CYP4X1: variants seen among roughly 807,000 people sequenced by gnomAD.
CYP4X1 encodes cytochrome P450 4X1.
A neutral mutation model predicts 57.9 loss-of-function variants in CYP4X1; 44 were observed. The observed-to-expected ratio is 0.76, with a 90% confidence interval of 0.60 to 0.98. CYP4X1 has a LOEUF of 0.98. CYP4X1 is among the 50% of genes least tolerant of loss of function. CYP4X1 has a pLI of 0.00. For missense variants in CYP4X1, 532 were observed against 623.9 expected (o/e 0.85, Z 1.57); for synonymous variants, 227 against 228.6 (o/e 0.99, Z 0.06).
the CYP4X1 span, among the ~76,000 whole-genome samples, chr1:46,991,149 C>A: frequency 6.6e-6 from 1 of 152,054 alleles, no homozygotes; most frequent in Non-Finnish European, 1.5e-5. Flanking sequence ...CCAGAAGCAA[C>A]CTTCCAGACT....
At chr1:46,991,935 GT>G in the CYP4X1 span, among the ~76,000 whole-genome samples, 2 of 152,150 alleles carry the variant, frequency 1.3e-5, no homozygotes. Flanking sequence ...GCTTTACAAA[GT>G]GCCTGGTATG....
chr1:47,017,989 G>T, the CYP4X1 span, among the ~76,000 whole-genome samples: 9 of 152,082 alleles, frequency 5.9e-5, no homozygotes. Context: ...CAAATTTTGG[G>T]GGTTCACATA....
intron 6 of CYP4X1, 137 bp from the exon 7 acceptor site, chr1:47,038,523 A>G (rs1400211673): frequency 1.4e-5 from 7 of 490,420 alleles, no homozygotes; most frequent in Non-Finnish European, 1.4e-5. Flanking sequence ...GAGAAAATAA[A>G]CCATCTGTGA....
the CYP4X1 span, among the ~76,000 whole-genome samples, chr1:46,996,085 G>C: frequency 2.0e-5 from 3 of 152,198 alleles, no homozygotes; most frequent in Admixed American, 2.0e-4. Context: ...GCGGGCACTG[G>C]CTATGTTCTA....
chr1:46,979,332 A>G, the CYP4X1 span, among the ~76,000 whole-genome samples: 8 of 152,368 alleles, frequency 5.3e-5, no homozygotes, highest in South Asian at 1.4e-3. Context: ...CTACCGTCAG[A>G]GAATACTATA....
the CYP4X1 span, among the ~76,000 whole-genome samples, chr1:47,012,603 A>G: frequency 1.3e-5 from 2 of 149,598 alleles, no homozygotes; most frequent in African/African-American, 4.9e-5. Flanking sequence ...AACCAGACTG[A>G]AAAAAAAAAG....
the CYP4X1 span, among the ~76,000 whole-genome samples, chr1:46,984,868 C>G: frequency 6.6e-6 from 1 of 152,140 alleles, no homozygotes; most frequent in Non-Finnish European, 1.5e-5. Flanking sequence ...ATTGTTCACT[C>G]CCCTGGAAAG....
At chr1:46,984,812 A>G in the CYP4X1 span, among the ~76,000 whole-genome samples, 10 of 152,174 alleles carry the variant, frequency 6.6e-5, no homozygotes, top group Non-Finnish European at 2.9e-5. Flanking sequence ...TAGCTGCAGG[A>G]GTTTTTTTCA....
chr1:47,027,950 A>G (rs1644087947), intron 1 of CYP4X1, among the ~76,000 whole-genome samples: 1 of 152,156 alleles, frequency 6.6e-6, no homozygotes, highest in Non-Finnish European at 1.5e-5. Context: ...AAAATCTGTG[A>G]GAGGTAGGAT....
At chr1:46,980,010 C>G in the CYP4X1 span, among the ~76,000 whole-genome samples, 839 of 152,306 alleles carry the variant, frequency 5.5e-3, 11 homozygotes, top group African/African-American at 0.019. Flanking sequence ...GACAAACCCA[C>G]AGCCAATATC....
At chr1:47,022,916 C>A (rs1644014553), upstream of CYP4X1, among the ~76,000 whole-genome samples, 1 of 152,148 alleles carries the variant, frequency 6.6e-6, no homozygotes, top group African/African-American at 2.4e-5. Context: ...CCTAGTTCAC[C>A]ACCTGATACG....
the CYP4X1 span, among the ~76,000 whole-genome samples, chr1:46,966,005 C>T: frequency 6.6e-6 from 1 of 152,230 alleles, no homozygotes; most frequent in Admixed American, 6.5e-5. Flanking sequence ...GGCAGCTGTG[C>T]TGCTTTGTGG....
chr1:47,010,971 G>A, the CYP4X1 span, among the ~76,000 whole-genome samples: 1 of 152,166 alleles, frequency 6.6e-6, no homozygotes. Context: ...TCGTGAAAAT[G>A]GCTATACTGC....
chr1:46,972,021 C>A, the CYP4X1 span, among the ~76,000 whole-genome samples: 1 of 152,082 alleles, frequency 6.6e-6, no homozygotes. Context: ...GGCCTATGGC[C>A]AAAATGGTAT....
chr1:47,036,718 C>T (rs1206825011), intron 6 of CYP4X1, among the ~76,000 whole-genome samples: 1 of 152,162 alleles, frequency 6.6e-6, no homozygotes, highest in African/African-American at 2.4e-5. Context: ...AGCTTCACCA[C>T]TTACTAGCAG....
the CYP4X1 span, among the ~76,000 whole-genome samples, chr1:46,995,189 T>C: frequency 1.1e-4 from 1 of 9,336 alleles, no homozygotes; most frequent in Non-Finnish European, 9.8e-3. Flanking sequence ...TGAGCCTCAA[T>C]TTTTTCTGTT....
rs920404927 is a variant in CYP4X1, at chr1:47,034,282, C to T, written c.492+914C>T. Among the ~76,000 whole-genome samples, 7 of 152,256 alleles carry T rather than the reference C, an allele frequency of 4.6e-5. No homozygotes were observed. The South Asian group carries it at 6.2e-4, about 14-fold the overall frequency. ...GTATTAAAGTTGCAGATGTGAATTT[C>T]CTCTTGTAGATAGTGGAGGATCATT... On this transcript the variant is annotated intron_variant, in intron 4 of 11. Transcript: ENST00000371901.
chr1:47,053,241 A>T (rs985253213), downstream of CYP4X1, among the ~76,000 whole-genome samples: 10 of 152,182 alleles, frequency 6.6e-5, no homozygotes, highest in Admixed American at 3.3e-4. Flanking sequence ...TACAAAGGAC[A>T]TGAACTCATC....
chr1:47,023,654 T>C, upstream of CYP4X1: 1 of 1,410,430 alleles, frequency 7.1e-7, no homozygotes. Context: ...TCCCCAGGCC[T>C]GAGCTGCCCC....
Sources: allele counts gnomAD v4.1 joint callset (sites outside exome capture counted in the v4.1 genomes callset), GRCh38; gene constraint gnomAD v4.1.1; transcripts MANE v1.5; gene names NCBI Gene and HGNC (gene_info 2026-07-23, HGNC 2026-07-21).